The following DOP1B variants were observed in gnomAD, a reference collection of about 807,000 sequenced individuals.
DOP1B encodes the protein DOP1 leucine zipper like protein B.
Under a neutral mutation model 233.5 loss-of-function variants are expected in DOP1B, and 174 were observed. That is an observed-to-expected ratio of 0.75 (90% CI 0.66 to 0.85). DOP1B has a LOEUF of 0.85. DOP1B is among the 40% of genes least tolerant of loss of function. DOP1B has a pLI of 0.00. For missense variants in DOP1B, 2,652 were observed against 2,846.6 expected (o/e 0.93, Z 1.56); for synonymous variants, 1,190 against 1,185.6 (o/e 1.00, Z -0.08).
chr21:36,219,944 G>T (rs2066606311), intron 10 of DOP1B, among the ~76,000 whole-genome samples: 1 of 151,704 alleles, frequency 6.6e-6, no homozygotes, highest in Admixed American at 6.6e-5. Context: ...GGTGTTGGGG[G>T]AGATTGGGGG....
Position 36,281,611 on chromosome 21 carries a change from G to T in DOP1B, c.6160G>T (p.Glu2054Ter). 6.3e-7 allele frequency: 1 copy of T among 1,581,078 alleles called. No homozygotes were observed. The highest frequency in any genetic ancestry group is 8.7e-7 in the Non-Finnish European group (1 of 1,155,456). Residue 2054 changes from glutamate (E) to a stop codon, truncating the protein, a stop_gained and splice_region_variant, in exon 32 of 37, where the codon GAA (glutamate) becomes TAA (stop). Coordinates refer to ENST00000691173, the MANE Select transcript of DOP1B (RefSeq NM_001320714.2). LOFTEE classifies it high-confidence loss of function. ...CCACCTTTACCTTCCACTGATACAAGGTAAGACAGCTGTCTTAGTCTGTTT... is the reference window on the plus strand; with the variant it reads ...CCACCTTTACCTTCCACTGATACAATGTAAGACAGCTGTCTTAGTCTGTTT... ...QYHLYLPLIQ[E>*]RLTDNLRVGQ...
intron 2 of DOP1B, among the ~76,000 whole-genome samples, chr21:36,192,713 A>T (rs2066246413): frequency 7.3e-6 from 1 of 136,206 alleles, no homozygotes; most frequent in East Asian, 2.2e-4. Context: ...TTTGAAATGG[A>T]GTCTCACTCT....
At chr21:36,247,746 G>C (rs1316613646) in intron 20 of DOP1B, 118 bp downstream of exon 20, 1 of 674,812 alleles carries the variant, frequency 1.5e-6, no homozygotes, top group South Asian at 2.2e-5. Flanking sequence ...TATGCGTATG[G>C]AGGTGATGCA....
chr21:36,178,371 C>T (rs2066055138), intron 2 of DOP1B, among the ~76,000 whole-genome samples: 1 of 151,660 alleles, frequency 6.6e-6, no homozygotes, highest in Non-Finnish European at 1.5e-5. Context: ...TGGTAGCATG[C>T]ACCTGTAGTC....
At chr21:36,273,208 AC>A (rs1425617127) in intron 27 of DOP1B, among the ~76,000 whole-genome samples, 2 of 151,842 alleles carry the variant, frequency 1.3e-5, no homozygotes, top group African/African-American at 4.8e-5. Flanking sequence ...GGAGTTCAAG[AC>A]CAGCCTGGCC....
At chr21:36,285,836 A>G (rs1391380478) in intron 32 of DOP1B, among the ~76,000 whole-genome samples, 1 of 151,938 alleles carries the variant, frequency 6.6e-6, no homozygotes, top group Non-Finnish European at 1.5e-5. Flanking sequence ...GTGAAACCCC[A>G]CCTCTACTAA....
In DOP1B at chr21:36,227,672, C is replaced by G; in HGVS notation, c.1474-14C>G. ...ACCAACATTGTGGGGTTAACCTACA[C>G]GTTTATTTCACAGGAACTTTACTCT... On this transcript the variant is annotated splice_polypyrimidine_tract_variant and intron_variant, in intron 12 of 36. Coordinates refer to ENST00000691173, the MANE Select transcript of DOP1B (RefSeq NM_001320714.2). The G allele has an allele frequency of 6.6e-7, 1 of 1,505,968 alleles. No homozygotes were observed. Among genetic ancestry groups the G allele is most frequent in the Non-Finnish European group, 8.9e-7 (1 of 1,118,288 alleles). The allele number at this position is 1,505,968 out of a possible 1,614,324, so 93.3% of individuals were successfully genotyped here.
intron 2 of DOP1B, among the ~76,000 whole-genome samples, chr21:36,185,548 G>C (rs538696279): frequency 4.7e-4 from 72 of 152,332 alleles, no homozygotes; most frequent in Middle Eastern, 6.8e-3. Flanking sequence ...TCAAAGGCTT[G>C]CTTGCAGCTT....
chr21:36,158,802 CA>C (rs386394681), intron 1 of DOP1B, among the ~76,000 whole-genome samples: 181 of 93,784 alleles, frequency 1.9e-3, no homozygotes, highest in African/African-American at 7.8e-3. Context: ...ACTCTTGTCT[CA>C]AAAAAAAAAA....
chr21:36,236,467 A>G (rs1601435788), intron 15 of DOP1B, among the ~76,000 whole-genome samples: 1 of 152,310 alleles, frequency 6.6e-6, no homozygotes, highest in East Asian at 1.9e-4. Flanking sequence ...CCCAGAGGTG[A>G]CCAAGTGCTG....
chr21:36,285,763 T>C (rs2067474628), intron 32 of DOP1B, among the ~76,000 whole-genome samples: 1 of 152,100 alleles, frequency 6.6e-6, no homozygotes, highest in South Asian at 2.1e-4. Context: ...TCCCAGCACC[T>C]TGGGAGGCTG....
At chr21:36,277,683 C>G (rs369729117) in intron 28 of DOP1B, among the ~76,000 whole-genome samples, 3 of 149,286 alleles carry the variant, frequency 2.0e-5, no homozygotes, top group African/African-American at 4.9e-5. Context: ...GAGTCTCGCT[C>G]TGGAGTCTGC....
chr21:36,199,275 T>C, intron 3 of DOP1B, 24 bp downstream of exon 3: 3 of 1,588,644 alleles, frequency 1.9e-6, no homozygotes, highest in Non-Finnish European at 2.6e-6. Flanking sequence ...TCTGCTGTGT[T>C]CCTTTTTATT....
At chr21:36,213,406 G>C (rs375453306) in intron 7 of DOP1B, among the ~76,000 whole-genome samples, 2 of 152,020 alleles carry the variant, frequency 1.3e-5, no homozygotes, top group Non-Finnish European at 2.9e-5. Context: ...TGAGAACCTT[G>C]CAGACTTATC....
At chr21:36,288,926 G>A in intron 34 of DOP1B, 115 bp downstream of exon 34, 4 of 1,457,810 alleles carry the variant, frequency 2.7e-6, no homozygotes, top group South Asian at 2.5e-5. Flanking sequence ...ACTTGTGAAA[G>A]GACCAGCTAT....
intron 18 of DOP1B, among the ~76,000 whole-genome samples, chr21:36,241,595 G>A (rs1174009212): frequency 7.7e-6 from 1 of 129,348 alleles, no homozygotes; most frequent in East Asian, 2.7e-4. Flanking sequence ...TGCAACCTCC[G>A]CCTCCCGGGT....
At chr21:36,289,476 G>GTGT (rs2067532768) in intron 35 of DOP1B, among the ~76,000 whole-genome samples, 2 of 118,974 alleles carry the variant, frequency 1.7e-5, no homozygotes, top group Non-Finnish European at 3.8e-5. Flanking sequence ...TGTGTGTGTG[G>GTGT]TTTTTGCTAC....
In DOP1B at chr21:36,231,177, G is replaced by T. The variant is rs145615129; in HGVS notation, c.2350+43G>T. The T allele has an allele frequency of 5.9e-6, 9 of 1,536,890 alleles. No homozygotes were observed. The South Asian group carries it at 8.8e-5, about 15-fold the overall frequency. On this transcript the variant is annotated intron_variant, in intron 14 of 36. Transcript: ENST00000691173. The stretch of plus-strand genomic sequence containing the variant: ...CGAAGTCCCTCTTTGGGAATCATAC[G>T]ATGAGGCGATTGACGTGGGTGGAAT...
intron 15 of DOP1B, among the ~76,000 whole-genome samples, chr21:36,235,133 G>A (rs189096881): frequency 6.6e-6 from 1 of 152,130 alleles, no homozygotes; most frequent in South Asian, 2.1e-4. Context: ...TGAGGACAGC[G>A]GCAGCTAGTG....
Sources: allele counts gnomAD v4.1 joint callset (sites outside exome capture counted in the v4.1 genomes callset), GRCh38; gene constraint gnomAD v4.1.1; transcripts MANE v1.5; gene names NCBI Gene and HGNC (gene_info 2026-07-23, HGNC 2026-07-21).